The following TAOK3 variants were observed in gnomAD, a reference collection of about 807,000 sequenced individuals.
TAOK3 encodes TAO kinase 3.
In TAOK3, 40 loss-of-function variants were observed where a neutral mutation model predicts 120.4. The observed-to-expected ratio is 0.33, with a 90% CI of 0.26 to 0.43. The LOEUF (loss-of-function observed/expected upper bound fraction) is 0.43, where lower values mean the gene tolerates loss of function less well. Ranked by LOEUF, TAOK3 falls within the 20% of genes least tolerant of loss-of-function variation. The pLI, the probability that TAOK3 is intolerant of heterozygous loss-of-function variation, is 1.00. For missense variants in TAOK3, 821 were observed against 1,112.1 expected, an observed-to-expected ratio of 0.74 and a Z score of 3.72; for synonymous variants, 355 against 387.5, an observed-to-expected ratio of 0.92 and a Z score of 0.99.
chr12:118,215,781 A>G (rs1042913486), intron 9 of TAOK3, among the ~76,000 whole-genome samples: 1 of 152,150 alleles, frequency 6.6e-6, no homozygotes, highest in African/African-American at 2.4e-5. Flanking sequence ...GCTGGAGTGC[A>G]GTGGCACAAT....
intron 1 of TAOK3, among the ~76,000 whole-genome samples, chr12:118,319,459 T>G (rs907921020): frequency 6.6e-6 from 1 of 151,994 alleles, no homozygotes; most frequent in Non-Finnish European, 1.5e-5. Context: ...CTACAACATA[T>G]AAAGAACTGC....
intron 1 of TAOK3, among the ~76,000 whole-genome samples, chr12:118,314,347 A>T (rs1214141143): frequency 6.6e-6 from 1 of 152,204 alleles, no homozygotes; most frequent in Non-Finnish European, 1.5e-5. Context: ...TCTTTTAAAA[A>T]TACTATTGAG....
chr12:118,263,130 T>C (rs1439689294), intron 2 of TAOK3, among the ~76,000 whole-genome samples: 1 of 152,176 alleles, frequency 6.6e-6, no homozygotes, highest in Non-Finnish European at 1.5e-5. Flanking sequence ...CATGCAATAC[T>C]GGCACAGAGA....
At chr12:118,173,656 A>G (rs1393272442) in intron 16 of TAOK3, among the ~76,000 whole-genome samples, 1 of 152,240 alleles carries the variant, frequency 6.6e-6, no homozygotes, top group East Asian at 1.9e-4. Context: ...CAAACCATCT[A>G]TATTTTCCAA....
chr12:118,241,419 C>T (rs2040245725), intron 5 of TAOK3, among the ~76,000 whole-genome samples: 1 of 152,102 alleles, frequency 6.6e-6, no homozygotes, highest in Non-Finnish European at 1.5e-5. Context: ...AATATGCATA[C>T]ATAACCTCCT....
intron 1 of TAOK3, among the ~76,000 whole-genome samples, chr12:118,352,309 G>A (rs2045206322): frequency 6.6e-6 from 1 of 151,898 alleles, no homozygotes; most frequent in African/African-American, 2.4e-5. Context: ...TTCGACACCA[G>A]CCTGACCAAC....
chr12:118,294,659 C>T (rs1221568064), intron 1 of TAOK3, among the ~76,000 whole-genome samples: 2 of 152,160 alleles, frequency 1.3e-5, no homozygotes, highest in Non-Finnish European at 2.9e-5. Flanking sequence ...GTTGGGATTA[C>T]CTGCACCCAG....
chr12:118,359,154 G>A (rs143873830), intron 1 of TAOK3: 8 of 152,254 alleles, frequency 5.3e-5, no homozygotes, highest in African/African-American at 1.9e-4. Context: ...TTTTTTAAGT[G>A]AGGCTTAAAG....
intron 1 of TAOK3, among the ~76,000 whole-genome samples, chr12:118,290,442 T>A (rs1342624906): frequency 6.6e-6 from 1 of 152,114 alleles, no homozygotes; most frequent in Non-Finnish European, 1.5e-5. Context: ...TAAGCTAGGG[T>A]AGGTTTTTTT....
At chr12:118,309,248 T>C (rs1163748598) in intron 1 of TAOK3, among the ~76,000 whole-genome samples, 4 of 148,512 alleles carry the variant, frequency 2.7e-5, no homozygotes, top group Non-Finnish European at 4.4e-5. Flanking sequence ...AAGAATTGCT[T>C]GAACCCAGAG....
At chr12:118,335,020 A>G (rs192621796) in intron 1 of TAOK3, among the ~76,000 whole-genome samples, 1 of 151,894 alleles carries the variant, frequency 6.6e-6, no homozygotes, top group South Asian at 2.1e-4. Context: ...CTCTACTAAA[A>G]ATACAAAAAA....
At chr12:118,169,840 C>A (rs916939604) in intron 17 of TAOK3, among the ~76,000 whole-genome samples, 1 of 152,098 alleles carries the variant, frequency 6.6e-6, no homozygotes, top group Non-Finnish European at 1.5e-5. Context: ...CCTGCCTCAG[C>A]CTCCCGAGTA....
chr12:118,258,713 T>TA (rs577331732), intron 2 of TAOK3, among the ~76,000 whole-genome samples: 24,055 of 130,484 alleles, frequency 0.18, 2,041 homozygotes, highest in East Asian at 0.36. Flanking sequence ...GACTCTGTCA[T>TA]AAAAAAAAAA....
intron 1 of TAOK3, among the ~76,000 whole-genome samples, chr12:118,312,844 T>C (rs1467920460): frequency 6.6e-6 from 1 of 152,186 alleles, no homozygotes; most frequent in East Asian, 1.9e-4. Context: ...AGTATCATGA[T>C]CTAACACAAC....
intron 1 of TAOK3, among the ~76,000 whole-genome samples, chr12:118,307,531 G>T (rs776615113): frequency 2.0e-5 from 3 of 152,250 alleles, no homozygotes; most frequent in Non-Finnish European, 4.4e-5. Context: ...AGAAACTGTT[G>T]CATTCAGTTA....
chr12:118,234,336 C>T (rs2039928143), intron 8 of TAOK3, among the ~76,000 whole-genome samples: 1 of 147,220 alleles, frequency 6.8e-6, no homozygotes, highest in Admixed American at 7.0e-5. Context: ...TCATGCCATT[C>T]TCCTGTCTCA....
At chr12:118,187,108 T>C (rs960568827) in intron 14 of TAOK3, among the ~76,000 whole-genome samples, 2 of 152,250 alleles carry the variant, frequency 1.3e-5, no homozygotes, top group South Asian at 2.1e-4. Flanking sequence ...ATTTCATCAT[T>C]TATTTATCTA....
At chr12:118,166,526 G>A (rs1211245919) in intron 17 of TAOK3, among the ~76,000 whole-genome samples, 18 of 140,994 alleles carry the variant, frequency 1.3e-4, no homozygotes, top group African/African-American at 4.2e-4. Flanking sequence ...CAACAAGAGC[G>A]AAACTCCGTC....
Position 118,344,599 on chromosome 12 carries a change from T to C in TAOK3, c.-194+28049A>G, listed in dbSNP as rs547732253. ...TTTTTGATTTCACAGTCCTGTTTTT[T>C]AACACTTGCATTTGCCTCTCTCTCC... On this transcript the variant is annotated intron_variant, in intron 1 of 20. Coordinates refer to ENST00000392533, the MANE Select transcript of TAOK3 (RefSeq NM_016281.4). Among the ~76,000 whole-genome samples the C allele has an allele frequency of 1.4e-4, 21 of 152,278 alleles. 1 individual carries two copies. The South Asian group carries it at 2.9e-3, about 21-fold the overall frequency.
Sources: gnomAD v4.1 joint callset for allele counts (sites outside exome capture counted in the v4.1 genomes callset) on GRCh38, gnomAD v4.1.1 for gene constraint, MANE v1.5 for transcripts, NCBI Gene and HGNC (gene_info 2026-07-23, HGNC 2026-07-21) for gene names.